TTN: variants seen among roughly 807,000 people sequenced by gnomAD.
TTN encodes the protein connectin.
TTN carries 1,525 observed loss-of-function variants against 3,223.0 expected under a neutral mutation model. The observed-to-expected ratio is 0.47, with a 90% CI of 0.45 to 0.49. The LOEUF (loss-of-function observed/expected upper bound fraction) is 0.49. Ranked by LOEUF, TTN falls within the 20% of genes least tolerant of loss-of-function variation. The pLI is 0.00. For synonymous variants in TTN, 14,094 were observed against 15,161.0 expected (o/e 0.93, Z 5.17); for missense variants, 40,786 against 43,424.0 (o/e 0.94, Z 5.40).
chr2:178,679,258 G>T, intron 142 of TTN, 81 bp downstream of exon 142: 2 of 1,441,024 alleles, frequency 1.4e-6, no homozygotes, highest in South Asian at 1.2e-5. Context: ...TTGTCATGGG[G>T]AAAGATCTGC....
In TTN at chr2:178,546,355, C is replaced by T. The variant is rs747276133; in HGVS notation, c.94976G>A (p.Cys31659Tyr). The change falls in exon 342 of 363, where the codon TGT (cysteine) becomes TAT (tyrosine). Residue 31659 changes from cysteine (C) to tyrosine (Y), a missense_variant. Cys to Tyr is a radical substitution (Grantham distance 194). Transcript: ENST00000589042. ...AGTATACTGCAAAGAGACTTTTTCACAGAGATCTAGCTCCTTGTCTCCTTT... is the reference window on the plus strand; with the variant it reads ...AGTATACTGCAAAGAGACTTTTTCATAGAGATCTAGCTCCTTGTCTCCTTT... ...WTKGDKELDL[C>Y]EKVSLQYTGK... 6.2e-7 allele frequency: 1 copy of T among 1,613,664 alleles called. No individual in the cohort carries two copies. Among genetic ancestry groups the T allele is most frequent in the Non-Finnish European group, 8.5e-7 (1 of 1,179,780 alleles).
rs199935312 is a variant in TTN at position 178,570,436 on chromosome 2, A to G, written c.75696T>C (p.Asp25232=). 70 of 1,613,088 alleles carry G rather than the reference A, an allele frequency of 4.3e-5. No homozygotes were observed. The highest frequency in any genetic ancestry group is 5.8e-5 in the Non-Finnish European group (69 of 1,179,570). The change falls in exon 326 of 363, where the codon GAT becomes GAC. Residue 25232 remains aspartate, a synonymous_variant. Coordinates refer to ENST00000589042, the MANE Select transcript of TTN (RefSeq NM_001267550.2). ...CTLAWKPPLQ[D]GGSDIINYIV... ...TATAATTTATGATGTCACTCCCACC[A>G]TCCTGAAGTGGGGGTTTCCAAGCTA...
chr2:178,577,518 G>GA lies in TTN; in HGVS notation c.68825-9dup, dbSNP rs2046698374. ...GGACAATTGTTGGTGCCTCTGCAAA[G>GA]AAAAAAATACATTTTAATCAGAAAA... On this transcript the variant is annotated splice_polypyrimidine_tract_variant and intron_variant, in intron 323 of 362. Coordinates refer to ENST00000589042, the MANE Select transcript of TTN (RefSeq NM_001267550.2). 2 of 1,552,290 alleles carry GA rather than the reference G, an allele frequency of 1.3e-6. No individual in the cohort carries two copies. The highest frequency in any genetic ancestry group is 1.7e-6 in the Non-Finnish European group (2 of 1,152,788).
In TTN at chr2:178,729,664, C is replaced by G. The variant is rs753281535; in HGVS notation, c.18589G>C (p.Glu6197Gln). The G allele has an allele frequency of 1.2e-6, 2 of 1,613,600 alleles. No homozygotes were observed. Among genetic ancestry groups the G allele is most frequent in the African/African-American group, 1.3e-5 (1 of 74,892 alleles). Residue 6197 changes from glutamate to glutamine, a missense_variant and splice_region_variant, in exon 63 of 363, where the codon GAA becomes CAA. Transcript: ENST00000589042. ...TGGAGAATAGATTCCATTCACGAACCTTTCACTTTGAGTTCAATGCTGCAG... is the reference window on the plus strand; with the variant it reads ...TGGAGAATAGATTCCATTCACGAACGTTTCACTTTGAGTTCAATGCTGCAG... ...ASCSIELKVK[E>Q]PPTFIRELKP...
rs748028083 is a variant in TTN, at chr2:178,612,040, A to G, written c.50354+17T>C. Reference sequence around the variant, plus strand: ...GCCAAGTGTAAGTTATTCTTTATGAATTAATTCAAATTCTACCTCTGTATT... The same window carrying G: ...GCCAAGTGTAAGTTATTCTTTATGAGTTAATTCAAATTCTACCTCTGTATT... On this transcript the variant is annotated intron_variant, in intron 267 of 362. Coordinates refer to ENST00000589042, the MANE Select transcript of TTN (RefSeq NM_001267550.2). The G allele has an allele frequency of 1.2e-6, 2 of 1,603,082 alleles. No homozygotes were observed. The highest frequency in any genetic ancestry group is 1.7e-5 in the Admixed American group (1 of 57,816).
At position 178,677,613 on chromosome 2, in the gene TTN, T is replaced by C; in HGVS notation, c.34291+8A>G. 6.3e-7 allele frequency: 1 copy of C among 1,598,774 alleles called. No homozygotes were observed. Among genetic ancestry groups the C allele is most frequent in the Non-Finnish European group, 8.5e-7 (1 of 1,173,442 alleles). ...AGGCCTTGATGATTCCAAGAAGAGC[T>C]GCTATACCTGGTGCAGGTACTGGCA... On this transcript the variant is annotated splice_region_variant and intron_variant, in intron 146 of 362. Coordinates refer to ENST00000589042, the MANE Select transcript of TTN (RefSeq NM_001267550.2).
At chr2:178,732,413 C>T (rs2080710105) in intron 56 of TTN, 27 bp downstream of exon 56, 2 of 1,586,562 alleles carry the variant, frequency 1.3e-6, no homozygotes, top group Middle Eastern at 1.7e-4. Context: ...AAGGTTAGCA[C>T]AAAGATGTCA....
chr2:178,654,140 A>T, intron 193 of TTN, 45 bp from the exon 194 acceptor site: 1 of 1,594,920 alleles, frequency 6.3e-7, no homozygotes, highest in Non-Finnish European at 8.5e-7. Context: ...TGGCGAAGGT[A>T]TATATTACAG....
In TTN at chr2:178,677,900, G is replaced by T; in HGVS notation, c.34012C>A (p.Pro11338Thr). 6.3e-7 allele frequency: 1 copy of T among 1,599,786 alleles called. No homozygotes were observed. Among genetic ancestry groups the T allele is most frequent in the African/African-American group, 1.4e-5 (1 of 73,902 alleles). The change falls in exon 146 of 363, where the codon CCA becomes ACA. Residue 11338 changes from proline to threonine, a missense_variant. Transcript: ENST00000589042. ...PPPKVPKKRE[P>T]VPVPVALPQE... Reference sequence around the variant, plus strand: ...GGTAGAGCTACAGGAACTGGAACTGGTTCACGTTTCTTTGGCACTTTAAAG... The same window carrying T: ...GGTAGAGCTACAGGAACTGGAACTGTTTCACGTTTCTTTGGCACTTTAAAG...
chr2:178,564,210 C>A lies in TTN; in HGVS notation c.81922G>T (p.Val27308Phe), dbSNP rs1704782856. 8 of 1,613,446 alleles carry A rather than the reference C, an allele frequency of 5.0e-6. No individual in the cohort carries two copies. The highest frequency in any genetic ancestry group is 5.9e-6 in the Non-Finnish European group (7 of 1,179,780). Residue 27308 changes from valine to phenylalanine, a missense_variant, in exon 326 of 363, where the codon GTT (valine) becomes TTT (phenylalanine). Transcript: ENST00000589042. ...AGTTCTTTTCCATCTTTTGACCAAA[C>A]AACATCAGGTATAGGTTTGCCACGG... is the stretch of plus-strand genomic sequence containing the variant. ...DIRGKPIPDVVWSKDGKELEE... is the reference protein window; with the variant it reads ...DIRGKPIPDVFWSKDGKELEE...
In TTN at chr2:178,685,015, A is replaced by G. The variant is rs767754628; in HGVS notation, c.32471-26T>C. Reference sequence around the variant, plus strand: ...CTTTAGAAAGATTAGGTTTAAGAATATGAGTTTGCCTTACATATGAAGTGA... The same window carrying G: ...CTTTAGAAAGATTAGGTTTAAGAATGTGAGTTTGCCTTACATATGAAGTGA... On this transcript the variant is annotated intron_variant, in intron 129 of 362. Transcript: ENST00000589042. The G allele has an allele frequency of 5.1e-6, 8 of 1,554,134 alleles. No homozygotes were observed. The East Asian group carries it at 1.8e-4, about 35-fold the overall frequency.
Position 178,674,356 on chromosome 2 carries a change from GTTC to G in TTN, c.34663_34665del (p.Glu11555del), listed in dbSNP as rs763098227. On this transcript the variant is annotated inframe_deletion, in exon 151 of 363. Coordinates refer to ENST00000589042, the MANE Select transcript of TTN (RefSeq NM_001267550.2). The stretch of plus-strand genomic sequence containing the variant: ...TCTTCAACTTCCTCTATGCTAGGTG[GTTC>G]TTCTGGGATTTCTTCTTCTGAAATA... The G allele has an allele frequency of 4.1e-4, 657 of 1,597,886 alleles. 1 individual carries two copies. The highest frequency in any genetic ancestry group is 5.3e-4 in the Non-Finnish European group (621 of 1,170,896).
intron 141 of TTN, 33 bp downstream of exon 141, chr2:178,679,566 C>T (rs540921684): frequency 3.1e-6 from 5 of 1,600,582 alleles, no homozygotes; most frequent in Non-Finnish European, 4.3e-6. Flanking sequence ...CAGATGAAGT[C>T]TCTTAGATAC....
At position 178,605,452 on chromosome 2, in the gene TTN, G is replaced by T. The variant is rs781513071; in HGVS notation, c.53843C>A (p.Pro17948Gln). The change falls in exon 279 of 363, where the codon CCA (proline) becomes CAA (glutamine). Residue 17948 changes from proline (P) to glutamine (Q), a missense_variant. By Grantham distance (76) the Pro-to-Gln change is moderately conservative. Transcript: ENST00000589042. ...TATGACTACATTAAGAGGTAGGGAT[G>T]GTTCACTTTCACCAATTTCATTGAC... is the stretch of plus-strand genomic sequence containing the variant. ...KAVNEIGESE[P>Q]SLPLNVVIQD... is the part of the protein sequence containing the mutation. The T allele has an allele frequency of 2.5e-6, 4 of 1,610,246 alleles. No individual in the cohort carries two copies. Among genetic ancestry groups the T allele is most frequent in the Middle Eastern group, 1.7e-4 (1 of 6,042 alleles).
At position 178,674,321 on chromosome 2, in the gene TTN, T is replaced by C. The variant is rs2154266422; in HGVS notation, c.34701A>G (p.Pro11567=). 1.3e-6 allele frequency: 2 copies of C among 1,581,370 alleles called. No individual in the cohort carries two copies. Among genetic ancestry groups the C allele is most frequent in the Non-Finnish European group, 1.7e-6 (2 of 1,158,750 alleles). ...CCTTAAAAGCGGTTATACCTCTAGG[T>C]GGTGCCACCTCTTCAACTTCCTCTA... ...PSIEEVEEVA[P]PRVPEVIKKA... is the part of the protein sequence containing the mutation. Residue 11567 remains proline, a synonymous_variant, in exon 151 of 363, where the codon CCA becomes CCG. Transcript: ENST00000589042.
At position 178,608,004 on chromosome 2, in the gene TTN, A is replaced by C. The variant is rs868539342; in HGVS notation, c.52783T>G (p.Phe17595Val). ...TIELEWEPPA[F>V]NGGGEIVGYF... ...CCAACAATTTCCCCACCACCATTGA[A>C]AGCTGGGGGTTCCCATTCTAGTTCA... Residue 17595 changes from phenylalanine (F) to valine (V), a missense_variant, in exon 276 of 363, where the codon TTC becomes GTC. Coordinates refer to ENST00000589042, the MANE Select transcript of TTN (RefSeq NM_001267550.2). 1 of 1,612,874 alleles carries C rather than the reference A, an allele frequency of 6.2e-7. No homozygotes were observed. The highest frequency in any genetic ancestry group is 8.5e-7 in the Non-Finnish European group (1 of 1,179,310).
At chr2:178,719,898 A>G in intron 81 of TTN, 66 bp from the exon 82 acceptor site, 1 of 1,551,634 alleles carries the variant, frequency 6.4e-7, no homozygotes, top group South Asian at 1.2e-5. Context: ...GCAATCACTG[A>G]ATTACTGGAT....
At position 178,601,037 on chromosome 2, in the gene TTN, G is replaced by A. The variant is rs754308357; in HGVS notation, c.55867C>T (p.Pro18623Ser). The A allele has an allele frequency of 6.2e-7, 1 of 1,612,930 alleles. No homozygotes were observed. The highest frequency in any genetic ancestry group is 8.5e-7 in the Non-Finnish European group (1 of 1,179,344). Residue 18623 changes from proline (P) to serine (S), a missense_variant, in exon 288 of 363, where the codon CCT becomes TCT. Physicochemically the swap from Pro to Ser is moderately conservative, Grantham distance 74 (BLOSUM62 -1). Coordinates refer to ENST00000589042, the MANE Select transcript of TTN (RefSeq NM_001267550.2). ...HYIVECLAWDPTGTKKEAWRQ... is the reference protein window; with the variant it reads ...HYIVECLAWDSTGTKKEAWRQ... ...CAGGCTTCTTTCTTTGTCCCAGTAGGGTCCCATGCAAGGCACTCAACAATA... is the reference window on the plus strand; with the variant it reads ...CAGGCTTCTTTCTTTGTCCCAGTAGAGTCCCATGCAAGGCACTCAACAATA...
chr2:178,563,701 T>A lies in TTN; in HGVS notation c.82431A>T (p.Glu27477Asp). The change falls in exon 326 of 363, where the codon GAA becomes GAT. Residue 27477 changes from glutamate (E) to aspartate (D), a missense_variant. Coordinates refer to ENST00000589042, the MANE Select transcript of TTN (RefSeq NM_001267550.2). This position sits in a 1 kb window ranked among gnomAD's most constrained non-coding sequence, Gnocchi z 4.5. Reference protein sequence around the residue: ...YKPPGPPSTPEVSAITKDSMV... With the variant: ...YKPPGPPSTPDVSAITKDSMV... ...TAGAATCTTTGGTGATTGCTGAGAC[T>A]TCAGGTGTTGAGGGAGGACCTGGTG... 1 of 1,613,798 alleles carries A rather than the reference T, an allele frequency of 6.2e-7. No homozygotes were observed. Among genetic ancestry groups the A allele is most frequent in the South Asian group, 1.1e-5 (1 of 91,070 alleles).
Sources: allele counts gnomAD v4.1 joint callset, GRCh38; gene constraint gnomAD v4.1.1; non-coding constraint Gnocchi (gnomAD v3.1); transcripts MANE v1.5; gene names NCBI Gene and HGNC (gene_info 2026-07-23, HGNC 2026-07-21).